Variants in STMND1 observed in about 807,000 individuals in gnomAD.
The protein encoded by STMND1 is stathmin domain containing 1.
In STMND1, 17 loss-of-function variants were observed where a neutral mutation model predicts 23.0. The ratio of observed to expected loss-of-function variants is 0.74; its 90% CI spans 0.51 to 1.11. STMND1 has a LOEUF of 1.11. Ranked by LOEUF, STMND1 falls within the 50% of genes least tolerant of loss-of-function variation. The pLI is 0.00. For synonymous variants in STMND1, 114 were observed against 119.9 expected (o/e 0.95, Z 0.32); for missense variants, 305 against 329.1 (o/e 0.93, Z 0.57).
At chr6:17,120,182 G>A (rs960209914) in intron 2 of STMND1, among the ~76,000 whole-genome samples, 3 of 152,256 alleles carry the variant, frequency 2.0e-5, no homozygotes, top group Non-Finnish European at 2.9e-5. Flanking sequence ...GCAACATCAC[G>A]CTGTTTATCC....
At chr6:17,122,950 A>G (rs1761251802) in intron 3 of STMND1, among the ~76,000 whole-genome samples, 1 of 152,180 alleles carries the variant, frequency 6.6e-6, no homozygotes, top group Admixed American at 6.5e-5. Context: ...TCAGGAAAAA[A>G]GAAGGCATGT....
At chr6:17,119,341 T>C (rs1581371488) in intron 2 of STMND1, among the ~76,000 whole-genome samples, 1 of 152,088 alleles carries the variant, frequency 6.6e-6, no homozygotes, top group African/African-American at 2.4e-5. Context: ...TGTGTGTGTG[T>C]GCGTCTGTGT....
intron 2 of STMND1, among the ~76,000 whole-genome samples, chr6:17,117,271 A>G (rs1761173894): frequency 6.6e-6 from 1 of 151,932 alleles, no homozygotes; most frequent in African/African-American, 2.4e-5. Flanking sequence ...GTTTCATCAT[A>G]TTGGTCAGTC....
intron 3 of STMND1, among the ~76,000 whole-genome samples, chr6:17,123,218 A>G (rs1211574837): frequency 6.6e-6 from 1 of 152,192 alleles, no homozygotes; most frequent in African/African-American, 2.4e-5. Flanking sequence ...TAAAAAAATA[A>G]TAACTGTGGG....
At chr6:17,108,089 CTG>C (rs1429322469) in intron 1 of STMND1, among the ~76,000 whole-genome samples, 6 of 152,174 alleles carry the variant, frequency 3.9e-5, no homozygotes, top group Non-Finnish European at 5.9e-5. Context: ...TGATAAAAGA[CTG>C]TGTTTTGTCT....
chr6:17,121,757 T>C (rs576559821), intron 3 of STMND1, among the ~76,000 whole-genome samples: 1 of 152,346 alleles, frequency 6.6e-6, no homozygotes, highest in East Asian at 1.9e-4. Flanking sequence ...TGTACTATTA[T>C]TTTTCTTTGT....
intron 3 of STMND1, among the ~76,000 whole-genome samples, chr6:17,121,759 T>G (rs1761235773): frequency 6.6e-6 from 1 of 152,236 alleles, no homozygotes; most frequent in Non-Finnish European, 1.5e-5. Flanking sequence ...TACTATTATT[T>G]TTCTTTGTTA....
At chr6:17,121,907 G>C (rs1761238557) in intron 3 of STMND1, among the ~76,000 whole-genome samples, 1 of 149,692 alleles carries the variant, frequency 6.7e-6, no homozygotes, top group African/African-American at 2.5e-5. Context: ...TTGTCACCCA[G>C]GCTAGAGTGC....
At chr6:17,123,145 G>C (rs35287642) in intron 3 of STMND1, among the ~76,000 whole-genome samples, 2 of 152,266 alleles carry the variant, frequency 1.3e-5, no homozygotes, top group East Asian at 3.9e-4. Flanking sequence ...TTCTGACTTA[G>C]ACTTTGCAAT....
At chr6:17,124,984 G>A (rs1761277402) in intron 3 of STMND1, among the ~76,000 whole-genome samples, 1 of 150,962 alleles carries the variant, frequency 6.6e-6, no homozygotes, top group Non-Finnish European at 1.5e-5. Context: ...GGGTGAAACA[G>A]CGAGACCCTG....
intron 1 of STMND1, 114 bp downstream of exon 1, chr6:17,102,452 GAGGCTAGTTAAC>G: frequency 7.7e-7 from 1 of 1,291,874 alleles, no homozygotes; most frequent in Non-Finnish European, 1.1e-6. Flanking sequence ...AGGGTCGGTC[GAGGCTAGTTAAC>G]AGGTGGGAGC....
At chr6:17,122,574 A>G (rs1292800120) in intron 3 of STMND1, among the ~76,000 whole-genome samples, 2 of 152,098 alleles carry the variant, frequency 1.3e-5, no homozygotes, top group Non-Finnish European at 2.9e-5. Flanking sequence ...GTGTATGGGG[A>G]ATGTTGAGAA....
At chr6:17,114,006 T>C (rs998663441) in intron 1 of STMND1, among the ~76,000 whole-genome samples, 3 of 152,306 alleles carry the variant, frequency 2.0e-5, no homozygotes, top group African/African-American at 4.8e-5. Context: ...ACCAACCTTT[T>C]TGGCACCAGG....
intron 1 of STMND1, among the ~76,000 whole-genome samples, chr6:17,108,362 A>T (rs1309615367): frequency 6.6e-6 from 1 of 152,106 alleles, no homozygotes; most frequent in African/African-American, 2.4e-5. Context: ...GCATTTTGCT[A>T]TTGTTGTTGT....
In STMND1 at chr6:17,117,081, T is replaced by G. The variant is rs568570759; in HGVS notation, c.259+1942T>G. ...GAAATTACCTTTTTTTTGTTTGTTTTTTTTGAGACGGAGTTTTTCTCTTGT... is the reference window on the plus strand; with the variant it reads ...GAAATTACCTTTTTTTTGTTTGTTTGTTTTGAGACGGAGTTTTTCTCTTGT... On this transcript the variant is annotated intron_variant, in intron 2 of 4. Coordinates refer to ENST00000536551, the MANE Select transcript of STMND1 (RefSeq NM_001190766.2). 2.6e-5 allele frequency among the ~76,000 whole-genome samples: 4 copies of G among 152,258 alleles called. 1 individual carries two copies. The highest frequency in any genetic ancestry group is 3.9e-4 in the East Asian group (2 of 5,170).
chr6:17,125,540 T>C (rs1238756825), intron 3 of STMND1, among the ~76,000 whole-genome samples: 1 of 152,218 alleles, frequency 6.6e-6, no homozygotes, highest in Non-Finnish European at 1.5e-5. Flanking sequence ...CTTGGGAACC[T>C]GAAGTGTACT....
At chr6:17,110,578 G>A in intron 1 of STMND1, 1 of 298,166 alleles carries the variant, frequency 3.4e-6, no homozygotes, top group Admixed American at 4.3e-5. Flanking sequence ...GACCAGCCTG[G>A]CCAACATGGT....
chr6:17,108,994 TA>T (rs747891032), intron 1 of STMND1, among the ~76,000 whole-genome samples: 139 of 152,268 alleles, frequency 9.1e-4, no homozygotes, highest in Admixed American at 2.0e-3. Context: ...TATATACATA[TA>T]AAACACACAC....
Position 17,131,032 on chromosome 6 carries a change from G to A in STMND1, c.*151G>A, listed in dbSNP as rs868215647. 1.8e-5 allele frequency: 12 copies of A among 667,488 alleles called. No individual in the cohort carries two copies. The highest frequency in any genetic ancestry group is 2.4e-5 in the Non-Finnish European group (10 of 424,582). The allele number at this position is 667,488 out of a possible 1,614,324, so 41.3% of individuals were successfully genotyped here. ...ATTGTGTGGGCTGCACAGGCTGAAGGTTAGTTGAGTAAATTAAGTAGCTAT... is the reference window on the plus strand; with the variant it reads ...ATTGTGTGGGCTGCACAGGCTGAAGATTAGTTGAGTAAATTAAGTAGCTAT... On this transcript the variant is annotated 3_prime_UTR_variant, in exon 5 of 5. Transcript: ENST00000536551.
Sources: gnomAD v4.1 joint callset for allele counts (sites outside exome capture counted in the v4.1 genomes callset) on GRCh38, gnomAD v4.1.1 for gene constraint, MANE v1.5 for transcripts, NCBI Gene and HGNC (gene_info 2026-07-23, HGNC 2026-07-21) for gene names.